FNDC3B: variants seen among roughly 807,000 people sequenced by gnomAD.
The protein encoded by FNDC3B is fibronectin type III domain containing 3B.
Under a neutral mutation model 151.5 loss-of-function variants are expected in FNDC3B, and 12 were observed. The ratio of observed to expected loss-of-function variants is 0.08; its 90% confidence interval spans 0.05 to 0.13. The LOEUF (loss-of-function observed/expected upper bound fraction) is 0.13, where lower values mean the gene tolerates loss of function less well. Among genes scored for constraint, FNDC3B ranks in the 10% least tolerant of loss-of-function variants. The pLI, the probability that FNDC3B is intolerant of heterozygous loss-of-function variation, is 1.00. For synonymous variants in FNDC3B, 528 were observed against 549.0 expected, an observed-to-expected ratio of 0.96 and a Z score of 0.54; for missense variants, 1,214 against 1,505.3, an observed-to-expected ratio of 0.81 and a Z score of 3.20.
Position 172,328,937 on chromosome 3 carries a change from A to C in FNDC3B, c.1255-15A>C. ...TTTTTTTAAGTATATGCATTGTTTCATTGTTTACTTTTAGGGAAAAAGAAA... is the reference window on the plus strand; with the variant it reads ...TTTTTTTAAGTATATGCATTGTTTCCTTGTTTACTTTTAGGGAAAAAGAAA... On this transcript the variant is annotated splice_polypyrimidine_tract_variant and intron_variant, in intron 11 of 25. Coordinates refer to ENST00000415807, the MANE Select transcript of FNDC3B (RefSeq NM_022763.4). 1 of 1,572,156 alleles carries C rather than the reference A, an allele frequency of 6.4e-7. No individual in the cohort carries two copies. Among genetic ancestry groups the C allele is most frequent in the South Asian group, 1.2e-5 (1 of 86,814 alleles).
chr3:172,383,185 A>G (rs1020604693), intron 25 of FNDC3B, among the ~76,000 whole-genome samples: 1 of 152,160 alleles, frequency 6.6e-6, no homozygotes, highest in African/African-American at 2.4e-5. Context: ...GGTCCTTCAC[A>G]TCCCTTGTAA....
chr3:172,388,942 C>T (rs1234920018), intron 25 of FNDC3B, among the ~76,000 whole-genome samples: 1 of 152,158 alleles, frequency 6.6e-6, no homozygotes, highest in Non-Finnish European at 1.5e-5. Context: ...CATGTTATCC[C>T]ACTTAATCAG....
At chr3:172,120,697 A>C (rs1002128252) in intron 2 of FNDC3B, among the ~76,000 whole-genome samples, 1 of 152,036 alleles carries the variant, frequency 6.6e-6, no homozygotes, top group African/African-American at 2.4e-5. Context: ...TAATTGGAAA[A>C]ACCAGAAGAC....
chr3:172,261,665 G>T (rs1327924100), intron 6 of FNDC3B, among the ~76,000 whole-genome samples: 1 of 152,160 alleles, frequency 6.6e-6, no homozygotes, highest in Non-Finnish European at 1.5e-5. Flanking sequence ...AGGTCCCTGG[G>T]AAACAACAGT....
rs1733417028 is a variant in FNDC3B, at chr3:172,343,038, C to G, written c.1999C>G (p.Leu667Val). The change falls in exon 18 of 26, where the codon CTA becomes GTA. Residue 667 changes from leucine (L) to valine (V), a missense_variant. Around this residue, in one of 7 missense-constraint regions of FNDC3B, gnomAD observed 380 missense variants for 420.9 expected, o/e 0.90. Coordinates refer to ENST00000415807, the MANE Select transcript of FNDC3B (RefSeq NM_022763.4). ...QCSESLPVRT[L>V]SIAPGQCRPP... ...TTCTGAAAGTCTCCCTGTTCGCACA[C>G]TAAGCATTGCACCAGGTCAATGTCG... The G allele has an allele frequency of 2.5e-6, 4 of 1,613,030 alleles. No homozygotes were observed. The East Asian group carries it at 8.9e-5, about 36-fold the overall frequency.
At position 172,397,675 on chromosome 3, in the gene FNDC3B, TTAAAAAAAAG is replaced by T. The variant is rs1560116679; in HGVS notation, c.*201_*210del. ...AAAAGGTTAAACTGGATTTTTTTTT[TTAAAAAAAAG>T]AAAAAAAAAGAAGAAAAGTATACCA... On this transcript the variant is annotated 3_prime_UTR_variant, in exon 26 of 26. Transcript: ENST00000415807. 4.3e-5 allele frequency: 12 copies of T among 278,688 alleles called. 1 individual carries two copies. The highest frequency in any genetic ancestry group is 8.8e-5 in the African/African-American group (3 of 34,118). 17.3% of individuals were successfully genotyped at this position (278,688 alleles called of 1,614,324 possible).
chr3:172,222,696 T>A (rs1319692682), intron 3 of FNDC3B, among the ~76,000 whole-genome samples: 4 of 152,164 alleles, frequency 2.6e-5, no homozygotes, highest in Admixed American at 2.6e-4. Flanking sequence ...CCGCTGCCGA[T>A]CTGACAGGAG....
intron 3 of FNDC3B, among the ~76,000 whole-genome samples, chr3:172,167,567 TA>T (rs1723067982): frequency 6.6e-6 from 1 of 152,220 alleles, no homozygotes; most frequent in Non-Finnish European, 1.5e-5. Context: ...ATGTAGTTTT[TA>T]TGCTTTCCAC....
intron 11 of FNDC3B, among the ~76,000 whole-genome samples, chr3:172,315,346 C>T (rs1283700534): frequency 6.6e-6 from 1 of 152,198 alleles, no homozygotes; most frequent in Non-Finnish European, 1.5e-5. Context: ...CACTGCGCTC[C>T]AGCCTGGGCG....
At chr3:172,181,432 A>T (rs2108653919) in intron 3 of FNDC3B, among the ~76,000 whole-genome samples, 1 of 146,736 alleles carries the variant, frequency 6.8e-6, no homozygotes, top group East Asian at 2.0e-4. Flanking sequence ...AAACACCTTT[A>T]GAATTTACTG....
chr3:172,255,555 C>T (rs1728290711), intron 6 of FNDC3B, among the ~76,000 whole-genome samples: 1 of 152,296 alleles, frequency 6.6e-6, no homozygotes, highest in Non-Finnish European at 1.5e-5. Flanking sequence ...CAAGCGTGAG[C>T]CACTGCGTCT....
chr3:172,296,723 CA>C (rs1301690271), intron 8 of FNDC3B, among the ~76,000 whole-genome samples: 1 of 152,176 alleles, frequency 6.6e-6, no homozygotes, highest in East Asian at 1.9e-4. Flanking sequence ...CCATGCCTGG[CA>C]AGGAACAGAT....
At chr3:172,055,890 C>T (rs1473143131) in intron 1 of FNDC3B, among the ~76,000 whole-genome samples, 1 of 152,180 alleles carries the variant, frequency 6.6e-6, no homozygotes, top group Non-Finnish European at 1.5e-5. Flanking sequence ...ACTCCATTCT[C>T]CTGCCTCAGC....
chr3:172,155,978 T>C (rs1722462443), intron 3 of FNDC3B, among the ~76,000 whole-genome samples: 1 of 152,196 alleles, frequency 6.6e-6, no homozygotes, highest in Admixed American at 6.5e-5. Flanking sequence ...CCTCAACTTA[T>C]ACTGGAAAAA....
At chr3:172,056,549 A>G (rs75255494) in intron 1 of FNDC3B, among the ~76,000 whole-genome samples, 2 of 152,354 alleles carry the variant, frequency 1.3e-5, no homozygotes, top group African/African-American at 4.8e-5. Flanking sequence ...TGTGCTGTGC[A>G]CATCTCTAAC....
At chr3:172,093,470 G>A (rs1390232487) in intron 1 of FNDC3B, among the ~76,000 whole-genome samples, 5 of 151,976 alleles carry the variant, frequency 3.3e-5, no homozygotes, top group East Asian at 2.0e-4. Flanking sequence ...GTGTTAGCCA[G>A]GATGGTCTCG....
chr3:172,380,864 C>A lies in FNDC3B; in HGVS notation c.3176-102C>A. ...GCTCCTCTCTCAGGGCAAACACAGG[C>A]ACAATCTTGCTCTCTCTGGGTTCTC... On this transcript the variant is annotated intron_variant, in intron 24 of 25. Coordinates refer to ENST00000415807, the MANE Select transcript of FNDC3B (RefSeq NM_022763.4). 3.0e-6 allele frequency: 4 copies of A among 1,344,582 alleles called. No individual in the cohort carries two copies. In the South Asian group the frequency reaches 3.9e-5, roughly 13 times the overall value. 83.3% of individuals were successfully genotyped at this position (1,344,582 alleles called of 1,614,324 possible). A position where few individuals can be genotyped will look rare whatever the true frequency, so the allele number is the denominator to read the frequency against.
At chr3:172,152,461 G>A (rs1409728437) in intron 3 of FNDC3B, among the ~76,000 whole-genome samples, 2 of 151,838 alleles carry the variant, frequency 1.3e-5, no homozygotes, top group Admixed American at 6.6e-5. Context: ...CTTCCTGTCC[G>A]TTCTCCATCC....
chr3:172,187,809 C>T (rs375024783), intron 3 of FNDC3B, among the ~76,000 whole-genome samples: 2 of 152,076 alleles, frequency 1.3e-5, no homozygotes, highest in South Asian at 2.1e-4. Context: ...TTGTAGAGAG[C>T]GGATTTCGCC....
Sources: gnomAD v4.1 joint callset for allele counts (sites outside exome capture counted in the v4.1 genomes callset) on GRCh38, gnomAD v4.1.1 for gene constraint, gnomAD v4.1.1 regional missense constraint, MANE v1.5 for transcripts, NCBI Gene and HGNC (gene_info 2026-07-23, HGNC 2026-07-21) for gene names.